The following NEBL variants were observed in gnomAD, a reference collection of about 807,000 sequenced individuals.
The protein encoded by NEBL is LIM and SH3 protein 2.
A neutral mutation model predicts 140.2 loss-of-function variants in NEBL; 122 were observed. The observed-to-expected ratio is 0.87, with a 90% CI of 0.75 to 1.01. The LOEUF (loss-of-function observed/expected upper bound fraction) is 1.01. Ranked by LOEUF, NEBL falls within the 50% of genes least tolerant of loss-of-function variation. The pLI is 0.00. For missense variants in NEBL, 1,365 were observed against 1,231.3 expected (o/e 1.11, Z -1.62); for synonymous variants, 436 against 398.9 (o/e 1.09, Z -1.11).
intron 2 of NEBL, among the ~76,000 whole-genome samples, chr10:21,061,793 T>C (rs1835318606): frequency 6.6e-6 from 1 of 152,158 alleles, no homozygotes; most frequent in South Asian, 2.1e-4. Flanking sequence ...ACCTAAATAA[T>C]ATGACTGCTT....
chr10:21,206,769 C>G (rs995573564), intron 3 of NEBL, among the ~76,000 whole-genome samples: 1 of 152,020 alleles, frequency 6.6e-6, no homozygotes, highest in Non-Finnish European at 1.5e-5. Context: ...AGTCGTGGGA[C>G]AGGGAGATGA....
intron 16 of NEBL, among the ~76,000 whole-genome samples, chr10:20,828,939 C>T (rs1048548483): frequency 6.6e-6 from 1 of 152,094 alleles, no homozygotes; most frequent in Non-Finnish European, 1.5e-5. Flanking sequence ...TTAATTTTCT[C>T]TCCACTAAAT....
chr10:20,823,532 A>G (rs778955190), intron 18 of NEBL, among the ~76,000 whole-genome samples: 6 of 152,204 alleles, frequency 3.9e-5, no homozygotes, highest in Non-Finnish European at 7.4e-5. Context: ...GAGTTTTTTA[A>G]GTAAAATAAG....
chr10:20,886,412 C>T (rs1042578388), intron 4 of NEBL, among the ~76,000 whole-genome samples: 18 of 151,660 alleles, frequency 1.2e-4, no homozygotes, highest in Admixed American at 6.6e-5. Flanking sequence ...GCCTGTAATG[C>T]CAGCTACTCA....
chr10:21,069,347 C>A (rs1382181168), intron 2 of NEBL, among the ~76,000 whole-genome samples: 1 of 152,236 alleles, frequency 6.6e-6, no homozygotes, highest in East Asian at 1.9e-4. Context: ...AATTCTTCCT[C>A]ATGGCATTGT....
At chr10:21,183,854 G>A (rs1209430349) in intron 3 of NEBL, among the ~76,000 whole-genome samples, 1 of 152,118 alleles carries the variant, frequency 6.6e-6, no homozygotes, top group Non-Finnish European at 1.5e-5. Flanking sequence ...TCATGGGGGA[G>A]GGTCTTTCCC....
intron 26 of NEBL, among the ~76,000 whole-genome samples, chr10:20,805,633 A>G (rs1395176470): frequency 6.6e-6 from 1 of 152,100 alleles, no homozygotes; most frequent in African/African-American, 2.4e-5. Flanking sequence ...CAAGTGGAGC[A>G]CTTGAGATCT....
At chr10:20,893,841 T>A (rs373187661) in intron 2 of NEBL, among the ~76,000 whole-genome samples, 24 of 152,160 alleles carry the variant, frequency 1.6e-4, no homozygotes, top group African/African-American at 5.3e-4. Context: ...TTCAAACTAT[T>A]ATTTAAAGAT....
At chr10:20,810,803 G>T (rs1838065709) in intron 24 of NEBL, among the ~76,000 whole-genome samples, 1 of 152,186 alleles carries the variant, frequency 6.6e-6, no homozygotes, top group Non-Finnish European at 1.5e-5. Context: ...AAATGGAACT[G>T]GAAATTTGCT....
chr10:21,128,153 A>G (rs11012538), intron 2 of NEBL, among the ~76,000 whole-genome samples: 7,324 of 152,270 alleles, frequency 0.048, 328 homozygotes, highest in East Asian at 0.23. Context: ...AAACACAAAC[A>G]GTAAATTTTT....
At chr10:21,176,477 C>T (rs1841302880), upstream of NEBL, among the ~76,000 whole-genome samples, 1 of 152,058 alleles carries the variant, frequency 6.6e-6, no homozygotes, top group South Asian at 2.1e-4. Context: ...TACATCAAAC[C>T]AGCTTCTAAG....
chr10:21,077,569 T>C (rs191701543), intron 2 of NEBL, among the ~76,000 whole-genome samples: 3,517 of 151,970 alleles, frequency 0.023, 140 homozygotes, highest in African/African-American at 0.078. Context: ...ATGGCACCAC[T>C]GCACTCCAGC....
chr10:21,135,563 C>G (rs1003414594), intron 2 of NEBL, among the ~76,000 whole-genome samples: 5 of 152,134 alleles, frequency 3.3e-5, no homozygotes, highest in African/African-American at 7.2e-5. Context: ...AGGAAACAAG[C>G]CAAAGAAACT....
intron 3 of NEBL, among the ~76,000 whole-genome samples, chr10:20,993,058 C>T (rs1837530182): frequency 1.3e-5 from 2 of 151,990 alleles, no homozygotes; most frequent in African/African-American, 4.8e-5. Context: ...GCTGGGATTA[C>T]AGTCGTGAGC....
intron 4 of NEBL, among the ~76,000 whole-genome samples, chr10:20,902,389 G>A (rs554644498): frequency 5.2e-5 from 7 of 133,966 alleles, no homozygotes; most frequent in African/African-American, 2.0e-4. Context: ...CTGGGCAACA[G>A]AGCAAAGACA....
chr10:21,058,133 C>T, intron 2 of NEBL, among the ~76,000 whole-genome samples: 1 of 152,116 alleles, frequency 6.6e-6, no homozygotes, highest in East Asian at 1.9e-4. Flanking sequence ...AACTTTCATT[C>T]CAGGGGTTTT....
chr10:20,850,291 A>G, intron 11 of NEBL, 104 bp downstream of exon 11: 1 of 937,622 alleles, frequency 1.1e-6, no homozygotes, highest in Non-Finnish European at 1.7e-6. Flanking sequence ...GAATCTGCCC[A>G]CAGCAGCACT....
At chr10:21,056,428 A>G (rs1220870174) in intron 2 of NEBL, among the ~76,000 whole-genome samples, 1 of 152,130 alleles carries the variant, frequency 6.6e-6, no homozygotes, top group South Asian at 2.1e-4. Context: ...AGATAGACTG[A>G]CTGTCCTCCC....
At chr10:21,234,228 T>G (rs1842316727) in intron 3 of NEBL, among the ~76,000 whole-genome samples, 1 of 152,064 alleles carries the variant, frequency 6.6e-6, no homozygotes, top group Non-Finnish European at 1.5e-5. Flanking sequence ...TTCCTCCAAA[T>G]CACATGTTGA....
Sources: gnomAD v4.1 joint callset for allele counts (sites outside exome capture counted in the v4.1 genomes callset) on GRCh38, gnomAD v4.1.1 for gene constraint, MANE v1.5 for transcripts, NCBI Gene and HGNC (gene_info 2026-07-23, HGNC 2026-07-21) for gene names.